Variants in FRMD6 observed in about 807,000 individuals in gnomAD.
FRMD6 encodes the protein FERM domain-containing protein 6.
Under a neutral mutation model 73.2 loss-of-function variants are expected in FRMD6, and 37 were observed. The ratio of observed to expected loss-of-function variants is 0.51; its 90% confidence interval spans 0.39 to 0.66. The LOEUF (loss-of-function observed/expected upper bound fraction) is 0.66, where lower values mean the gene tolerates loss of function less well. Among genes scored for constraint, FRMD6 ranks in the 30% least tolerant of loss-of-function variants. FRMD6 has a pLI of 0.00. For missense variants in FRMD6, 714 were observed against 780.5 expected, an observed-to-expected ratio of 0.91 and a Z score of 1.02; for synonymous variants, 273 against 282.2, an observed-to-expected ratio of 0.97 and a Z score of 0.33.
chr14:51,440,076 T>C, the FRMD6 span, among the ~76,000 whole-genome samples: 1 of 152,192 alleles, frequency 6.6e-6, no homozygotes, highest in South Asian at 2.1e-4. Flanking sequence ...AAACCCTTGT[T>C]AATTAGTGTA....
upstream of FRMD6, among the ~76,000 whole-genome samples, chr14:51,484,741 G>A (rs565712197): frequency 5.3e-5 from 8 of 152,302 alleles, no homozygotes; most frequent in Admixed American, 2.6e-4. Flanking sequence ...TTAGCTTTCC[G>A]GCCTGTGAAC....
At chr14:51,673,895 T>TATCCTC (rs1467526081) in intron 1 of FRMD6, among the ~76,000 whole-genome samples, 1 of 152,224 alleles carries the variant, frequency 6.6e-6, no homozygotes, top group African/African-American at 2.4e-5. Context: ...ATTTCTTTTT[T>TATCCTC]ATTATCAGAA....
intron 8 of FRMD6, 147 bp from the exon 9 acceptor site, chr14:51,712,336 A>G: frequency 8.1e-6 from 5 of 614,590 alleles, no homozygotes; most frequent in Non-Finnish European, 1.4e-5. Flanking sequence ...TGAATCTTTT[A>G]ATTATTGTCT....
At chr14:51,607,849 G>A (rs189029548) in intron 2 of FRMD6, among the ~76,000 whole-genome samples, 115 of 152,290 alleles carry the variant, frequency 7.6e-4, no homozygotes, top group Middle Eastern at 3.4e-3. Context: ...TTGCGGTTGC[G>A]GTTCCGTCAG....
At chr14:51,527,943 G>T (rs1368966203) in intron 1 of FRMD6, among the ~76,000 whole-genome samples, 2 of 152,014 alleles carry the variant, frequency 1.3e-5, no homozygotes, top group Non-Finnish European at 1.5e-5. Flanking sequence ...GAGTTTGAGA[G>T]CAACCTGGGC....
At chr14:51,555,248 CT>C (rs1430667187) in intron 1 of FRMD6, among the ~76,000 whole-genome samples, 1 of 152,146 alleles carries the variant, frequency 6.6e-6, no homozygotes, top group African/African-American at 2.4e-5. Context: ...AAGAGTTCTA[CT>C]AATTATGTCT....
At chr14:51,661,032 G>T (rs560105933) in intron 1 of FRMD6, among the ~76,000 whole-genome samples, 1 of 152,314 alleles carries the variant, frequency 6.6e-6, no homozygotes, top group Non-Finnish European at 1.5e-5. Flanking sequence ...TGTTTGGCTT[G>T]TGTGGACTGT....
At chr14:51,429,835 T>C in the FRMD6 span, among the ~76,000 whole-genome samples, 1 of 152,214 alleles carries the variant, frequency 6.6e-6, no homozygotes, top group African/African-American at 2.4e-5. Context: ...TGTAAGGATG[T>C]TGAATAGTAA....
At chr14:51,446,636 G>A in the FRMD6 span, among the ~76,000 whole-genome samples, 2 of 152,170 alleles carry the variant, frequency 1.3e-5, no homozygotes, top group South Asian at 4.1e-4. Context: ...GTAGCCACTA[G>A]TACTCCAGAC....
At chr14:51,455,589 A>T in the FRMD6 span, among the ~76,000 whole-genome samples, 9 of 152,156 alleles carry the variant, frequency 5.9e-5, no homozygotes, top group Non-Finnish European at 1.2e-4. Context: ...TGCCATCATC[A>T]GTCTGTGTGA....
chr14:51,594,669 G>C (rs1047209405), intron 2 of FRMD6, among the ~76,000 whole-genome samples: 2 of 151,936 alleles, frequency 1.3e-5, no homozygotes, highest in Non-Finnish European at 2.9e-5. Flanking sequence ...CACTATGTTG[G>C]TGAGGCTGGT....
At position 51,621,711 on chromosome 14, in the gene FRMD6, A is replaced by G. The variant is rs1411320902; in HGVS notation, c.-147+51301A>G. On this transcript the variant is annotated intron_variant, in intron 2 of 14. Coordinates refer to the FRMD6 transcript ENST00000356218. Reference sequence around the variant, plus strand: ...TACCAACACAATACCTTTAAAGAAGACAGAAAAACACAACAGAACAGAACC... The same window carrying G: ...TACCAACACAATACCTTTAAAGAAGGCAGAAAAACACAACAGAACAGAACC... Among the ~76,000 whole-genome samples the G allele has an allele frequency of 2.0e-5, 3 of 152,204 alleles. No homozygotes were observed. In the East Asian group the frequency reaches 5.8e-4, roughly 29 times the overall value.
At chr14:51,700,619 A>G (rs1256293295) in intron 3 of FRMD6, among the ~76,000 whole-genome samples, 20 of 152,114 alleles carry the variant, frequency 1.3e-4, no homozygotes, top group Non-Finnish European at 2.9e-4. Context: ...CGTGTTTTCT[A>G]ATTTCTTACA....
At chr14:51,457,423 A>ATT in the FRMD6 span, among the ~76,000 whole-genome samples, 590 of 152,296 alleles carry the variant, frequency 3.9e-3, 2 homozygotes, top group East Asian at 9.6e-3. Context: ...TTGATGAAGC[A>ATT]TTTTTATAAA....
chr14:51,424,841 T>C, the FRMD6 span, among the ~76,000 whole-genome samples: 1 of 152,340 alleles, frequency 6.6e-6, no homozygotes, highest in South Asian at 2.1e-4. Flanking sequence ...GCAGCTGTTA[T>C]CACACTTTTA....
At chr14:51,489,670 A>G (rs1882882246) in intron 1 of FRMD6, among the ~76,000 whole-genome samples, 1 of 152,218 alleles carries the variant, frequency 6.6e-6, no homozygotes, top group African/African-American at 2.4e-5. Context: ...TGTCAGGGCT[A>G]GGAAGAAACT....
chr14:51,532,061 T>C (rs1885612931), intron 1 of FRMD6, among the ~76,000 whole-genome samples: 1 of 152,196 alleles, frequency 6.6e-6, no homozygotes, highest in African/African-American at 2.4e-5. Context: ...TTTTCTTCTC[T>C]GGGGCTTTTT....
At chr14:51,498,580 GC>G (rs1398976998) in intron 1 of FRMD6, among the ~76,000 whole-genome samples, 8 of 152,296 alleles carry the variant, frequency 5.3e-5, no homozygotes, top group African/African-American at 1.9e-4. Context: ...ATCAACAGGG[GC>G]CTGGGCTTAG....
At chr14:51,682,875 A>G (rs1894898594) in intron 1 of FRMD6, among the ~76,000 whole-genome samples, 1 of 152,168 alleles carries the variant, frequency 6.6e-6, no homozygotes, top group African/African-American at 2.4e-5. Flanking sequence ...CTGTTTGGCC[A>G]GCTGTGAGTT....
Sources: allele counts gnomAD v4.1 joint callset (sites outside exome capture counted in the v4.1 genomes callset), GRCh38; gene constraint gnomAD v4.1.1; transcripts MANE v1.5; gene names NCBI Gene and HGNC (gene_info 2026-07-23, HGNC 2026-07-21).